The following ANO2 variants were observed in gnomAD, a reference collection of about 807,000 sequenced individuals.
ANO2 encodes anoctamin 2, also known as anoctamin-2.
In ANO2, 101 loss-of-function variants were observed where a neutral mutation model predicts 124.2. That is an observed-to-expected ratio of 0.81 (90% CI 0.69 to 0.96). ANO2 has a LOEUF of 0.96. Ranked by LOEUF, ANO2 falls within the 40% of genes least tolerant of loss-of-function variation. The probability of loss-of-function intolerance (pLI) is 0.00; values close to 1 mark genes in which losing one functional copy is unlikely to be tolerated. For synonymous variants in ANO2, 486 were observed against 482.5 expected, an observed-to-expected ratio of 1.01 and a Z score of -0.09; for missense variants, 1,293 against 1,274.5, an observed-to-expected ratio of 1.01 and a Z score of -0.22.
chr12:5,815,142 T>C (rs896037301), intron 7 of ANO2, among the ~76,000 whole-genome samples: 6 of 152,196 alleles, frequency 3.9e-5, no homozygotes, highest in African/African-American at 1.2e-4. Flanking sequence ...GCAGCTAAAA[T>C]AGATCTCACA....
intron 14 of ANO2, among the ~76,000 whole-genome samples, chr12:5,672,174 T>G (rs889075990): frequency 6.6e-6 from 1 of 152,166 alleles, no homozygotes; most frequent in Admixed American, 6.5e-5. Flanking sequence ...TGCCAAGGTT[T>G]TTCACAGAGC....
intron 7 of ANO2, among the ~76,000 whole-genome samples, chr12:5,821,956 G>A (rs572459776): frequency 3.9e-5 from 6 of 152,282 alleles, no homozygotes; most frequent in African/African-American, 7.2e-5. Flanking sequence ...CAATGGTCTC[G>A]TGGGGAGCTC....
chr12:5,946,025 C>A (rs1943086824), upstream of ANO2: 4 of 1,142,486 alleles, frequency 3.5e-6, no homozygotes, highest in South Asian at 4.1e-5. This position sits in a 1 kb window ranked among gnomAD's most constrained non-coding sequence, Gnocchi z 4.1. Flanking sequence ...CTCCAAAGGG[C>A]CCTTCTGCAC....
intron 14 of ANO2, among the ~76,000 whole-genome samples, chr12:5,730,527 A>T (rs913150507): frequency 1.3e-5 from 2 of 152,204 alleles, no homozygotes; most frequent in Non-Finnish European, 2.9e-5. Flanking sequence ...GGGGTGAGAC[A>T]AGCACATCCA....
intron 16 of ANO2, among the ~76,000 whole-genome samples, chr12:5,619,652 C>T (rs560368545): frequency 6.6e-6 from 1 of 152,298 alleles, no homozygotes; most frequent in South Asian, 2.1e-4. Context: ...TATCTCTCTT[C>T]CCTCATCTCC....
At chr12:5,590,478 G>T (rs139738112) in intron 20 of ANO2, among the ~76,000 whole-genome samples, 1 of 152,190 alleles carries the variant, frequency 6.6e-6, no homozygotes, top group Non-Finnish European at 1.5e-5. Context: ...AACAGTCAAG[G>T]GTATGAAGCC....
rs1941898619 is a variant in ANO2, at chr12:5,923,228, G to GCGCA, written c.23-425_23-424insTGCG. 1.1e-4 allele frequency among the ~76,000 whole-genome samples: 8 copies of GCGCA among 72,944 alleles called. 3 individuals carry two copies. The highest frequency in any genetic ancestry group is 3.2e-4 in the African/African-American group (8 of 24,960). The allele number at this position is 72,944 out of a possible 152,430, so 47.9% of individuals were successfully genotyped here. A position where few individuals can be genotyped will look rare whatever the true frequency, so the allele number is the denominator to read the frequency against. ...CACACACCCACATACACACACACAT[G>GCGCA]CACACATACACACACGCATACACAC... On this transcript the variant is annotated intron_variant, in intron 1 of 24. Transcript: ENST00000682330.
Position 5,612,660 on chromosome 12 carries a change from C to A in ANO2, c.2083G>T (p.Val695Phe). ...LIQNNIFEIG[V>F]PKLKKLFRKL... ...TTAGAGGAGTTCATTACATACGGGA[C>A]TCCAATCTCAAAGATGTTGTTCTGG... The change falls in exon 19 of 25, where the codon GTC (valine) becomes TTC (phenylalanine). Residue 695 changes from valine to phenylalanine, a missense_variant. Val to Phe is a conservative substitution (Grantham distance 50, BLOSUM62 -1). Coordinates refer to ENST00000682330, the MANE Select transcript of ANO2 (RefSeq NM_001364791.2). 3.1e-6 allele frequency: 5 copies of A among 1,613,786 alleles called. No individual in the cohort carries two copies. Among genetic ancestry groups the A allele is most frequent in the Non-Finnish European group, 4.2e-6 (5 of 1,179,746 alleles).
chr12:5,711,847 A>C lies in ANO2; in HGVS notation c.1545+20673T>G, dbSNP rs114935147. On this transcript the variant is annotated intron_variant, in intron 14 of 24. Transcript: ENST00000682330. ...AAGGCCCTCCTTTGGATATTCCTTGAAATCAATTAGCCTAAAAATGTACTT... is the reference window on the plus strand; with the variant it reads ...AAGGCCCTCCTTTGGATATTCCTTGCAATCAATTAGCCTAAAAATGTACTT... 5.3e-3 allele frequency among the ~76,000 whole-genome samples: 806 copies of C among 152,342 alleles called. 2 individuals are homozygous for C. The highest frequency in any genetic ancestry group is 0.018 in the African/African-American group (750 of 41,580).
chr12:5,616,043 T>C (rs1355279897), intron 16 of ANO2, among the ~76,000 whole-genome samples: 18 of 151,922 alleles, frequency 1.2e-4, no homozygotes, highest in Non-Finnish European at 2.1e-4. Flanking sequence ...ACCTCAGAGG[T>C]GCCTTCAGAA....
At chr12:5,755,081 A>G (rs1240798331) in intron 10 of ANO2, among the ~76,000 whole-genome samples, 1 of 151,976 alleles carries the variant, frequency 6.6e-6, no homozygotes, top group Non-Finnish European at 1.5e-5. Context: ...GCTGCCTCTC[A>G]TAAGTTTTAA....
At chr12:5,629,476 C>G (rs1945591615) in intron 16 of ANO2, among the ~76,000 whole-genome samples, 1 of 152,214 alleles carries the variant, frequency 6.6e-6, no homozygotes, top group Admixed American at 6.5e-5. Flanking sequence ...GAGGAGGAAG[C>G]ACACCTTGCA....
At chr12:5,807,440 TA>T (rs371186447) in intron 7 of ANO2, 72 bp from the exon 8 acceptor site, 2 of 1,353,590 alleles carry the variant, frequency 1.5e-6, no homozygotes, top group African/African-American at 2.9e-5. Flanking sequence ...TGTTTTTTGA[TA>T]AATAAGCTTT....
chr12:5,801,230 G>C (rs1039668977), intron 9 of ANO2, among the ~76,000 whole-genome samples: 2 of 152,150 alleles, frequency 1.3e-5, no homozygotes, highest in African/African-American at 4.8e-5. Context: ...GAATATTTCT[G>C]CAGCAACTTT....
intron 4 of ANO2, among the ~76,000 whole-genome samples, chr12:5,834,239 T>G (rs1216050711): frequency 6.6e-6 from 1 of 152,178 alleles, no homozygotes; most frequent in Admixed American, 6.5e-5. Flanking sequence ...GGCTAATCTG[T>G]CAGGCTGCAA....
At chr12:5,801,198 C>T (rs113224472) in intron 9 of ANO2, among the ~76,000 whole-genome samples, 1 of 152,168 alleles carries the variant, frequency 6.6e-6, no homozygotes, top group African/African-American at 2.4e-5. Flanking sequence ...CAAAACCAAA[C>T]ACATCAGGCC....
chr12:5,619,411 A>G (rs374529319), intron 16 of ANO2, among the ~76,000 whole-genome samples: 37 of 152,342 alleles, frequency 2.4e-4, no homozygotes, highest in African/African-American at 8.9e-4. Context: ...ACGCTGGAGG[A>G]CAAGAGCAGA....
intron 5 of ANO2, 76 bp from the exon 6 acceptor site, chr12:5,830,565 C>T: frequency 7.3e-7 from 1 of 1,365,320 alleles, no homozygotes; most frequent in Non-Finnish European, 1.0e-6. Flanking sequence ...CCCAGACCCA[C>T]AACAAATCTT....
chr12:5,632,902 C>T (rs1945799610), intron 16 of ANO2, among the ~76,000 whole-genome samples: 1 of 152,194 alleles, frequency 6.6e-6, no homozygotes, highest in Admixed American at 6.5e-5. Flanking sequence ...ATACCCTTTA[C>T]ATTGGATCTC....
Sources: allele counts gnomAD v4.1 joint callset (sites outside exome capture counted in the v4.1 genomes callset), GRCh38; gene constraint gnomAD v4.1.1; non-coding constraint Gnocchi (gnomAD v3.1); transcripts MANE v1.5; gene names NCBI Gene and HGNC (gene_info 2026-07-23, HGNC 2026-07-21).